The following PUM1 variants were observed in gnomAD, a reference collection of about 807,000 sequenced individuals.
PUM1 encodes pumilio homolog 1.
PUM1 carries 13 observed loss-of-function variants against 131.8 expected under a neutral mutation model. The ratio of observed to expected loss-of-function variants is 0.10; its 90% CI spans 0.06 to 0.16. The LOEUF is 0.16. Ranked by LOEUF, PUM1 falls within the 10% of genes least tolerant of loss-of-function variation. PUM1 has a pLI of 1.00. For missense variants in PUM1, 961 were observed against 1,512.4 expected (o/e 0.64, Z 6.05); for synonymous variants, 509 against 556.5 (o/e 0.91, Z 1.20).
intron 10 of PUM1, among the ~76,000 whole-genome samples, chr1:30,970,068 C>T (rs575669595): frequency 1.3e-5 from 2 of 152,268 alleles, no homozygotes; most frequent in South Asian, 4.1e-4. Context: ...CACACTCCAG[C>T]AAGCAAAAAT....
Position 31,038,916 on chromosome 1 carries a change from T to C in PUM1, c.364-10052A>G, listed in dbSNP as rs559051391. Among the ~76,000 whole-genome samples the C allele has an allele frequency of 4.9e-4, 69 of 139,438 alleles. 1 individual carries two copies. The highest frequency in any genetic ancestry group is 1.4e-3 in the South Asian group (6 of 4,396). 91.5% of individuals were successfully genotyped at this position (139,438 alleles called of 152,430 possible). The stretch of plus-strand genomic sequence containing the variant: ...ATACAGCAGTAATTATTAAAGCATA[T>C]ACTTAGAGAATTTATATAGCCATTT... On this transcript the variant is annotated intron_variant, in intron 2 of 21. Transcript: ENST00000426105.
At position 31,006,911 on chromosome 1, in the gene PUM1, T is replaced by A. The variant is rs550451799; in HGVS notation, c.541+83A>T. ...GCTTGACATGCTTATGTCACTGATG[T>A]AAAATTCATGACTTGCCAATTGCTG... On this transcript the variant is annotated intron_variant, in intron 4 of 21. Transcript: ENST00000426105. The A allele has an allele frequency of 1.3e-5, 14 of 1,051,342 alleles. No individual in the cohort carries two copies. In the African/African-American group the frequency reaches 2.1e-4, roughly 15 times the overall value. 65.1% of individuals were successfully genotyped at this position (1,051,342 alleles called of 1,614,324 possible). A position where few individuals can be genotyped will look rare whatever the true frequency, so the allele number is the denominator to read the frequency against.
chr1:30,940,505 G>T (rs1380795260), intron 20 of PUM1, among the ~76,000 whole-genome samples: 1 of 152,062 alleles, frequency 6.6e-6, no homozygotes, highest in East Asian at 1.9e-4. Flanking sequence ...AAACATCAAG[G>T]TTGTATGAGT....
intron 2 of PUM1, among the ~76,000 whole-genome samples, chr1:31,047,584 G>A (rs1570349785): frequency 6.6e-6 from 1 of 152,222 alleles, no homozygotes; most frequent in Non-Finnish European, 1.5e-5. Flanking sequence ...AGAGAAAATG[G>A]ACACATGCAC....
At chr1:30,958,018 C>G (rs1640242780) in intron 14 of PUM1, among the ~76,000 whole-genome samples, 2 of 152,144 alleles carry the variant, frequency 1.3e-5, no homozygotes, top group South Asian at 2.1e-4. Context: ...TTCAAAGAAC[C>G]AAGTGAGAAA....
chr1:30,961,474 T>A (rs1231930699), intron 14 of PUM1, among the ~76,000 whole-genome samples: 1 of 152,112 alleles, frequency 6.6e-6, no homozygotes. Context: ...CAGTGAGCTA[T>A]GATAGCACCA....
At chr1:31,047,839 G>C (rs997518293) in intron 2 of PUM1, among the ~76,000 whole-genome samples, 1 of 152,206 alleles carries the variant, frequency 6.6e-6, no homozygotes, top group Non-Finnish European at 1.5e-5. Flanking sequence ...CTACTGGGGA[G>C]GCTGAGGCAT....
chr1:30,943,403 C>T, intron 18 of PUM1, among the ~76,000 whole-genome samples: 1 of 152,136 alleles, frequency 6.6e-6, no homozygotes, highest in Non-Finnish European at 1.5e-5. Flanking sequence ...GCTGGGATTA[C>T]AGGCACCCGG....
chr1:31,052,621 C>T (rs1252435823), intron 2 of PUM1, among the ~76,000 whole-genome samples: 1 of 152,006 alleles, frequency 6.6e-6, no homozygotes, highest in African/African-American at 2.4e-5. Context: ...CCTGACCCAG[C>T]CTCCTGAGTA....
chr1:31,026,925 G>T (rs1570301735), intron 3 of PUM1, among the ~76,000 whole-genome samples: 1 of 128,576 alleles, frequency 7.8e-6, no homozygotes. Flanking sequence ...CATGCCCACG[G>T]AATTATATAC....
intron 21 of PUM1, 82 bp from the exon 22 acceptor site, chr1:30,933,424 T>A: frequency 9.2e-7 from 1 of 1,092,700 alleles, no homozygotes; most frequent in Non-Finnish European, 1.3e-6. Flanking sequence ...TTGCATGTCA[T>A]GCATCACACA....
At chr1:30,964,961 A>G (rs1473193772) in intron 13 of PUM1, 51 bp from the exon 14 acceptor site, 2 of 1,497,396 alleles carry the variant, frequency 1.3e-6, no homozygotes, top group Non-Finnish European at 1.9e-6. Flanking sequence ...TTCTTCGAAG[A>G]ACAAGCCCAG....
intron 17 of PUM1, among the ~76,000 whole-genome samples, chr1:30,946,397 G>A (rs911664675): frequency 5.3e-5 from 8 of 151,110 alleles, no homozygotes; most frequent in African/African-American, 1.5e-4. Context: ...CCAGCAATTT[G>A]GGAGGCCTAG....
rs1638991565 is a variant in PUM1, at chr1:30,932,108, TACA to T, written c.*1100_*1102del. The stretch of plus-strand genomic sequence containing the variant: ...CTGGTTGAAATTACAATTTACAATA[TACA>T]ACACTATATGCTACGACCATAAAAG... On this transcript the variant is annotated 3_prime_UTR_variant, in exon 22 of 22. Transcript: ENST00000426105. 6.6e-6 allele frequency: 1 copy of T among 152,618 alleles called. No individual in the cohort carries two copies. The highest frequency in any genetic ancestry group is 2.1e-4 in the South Asian group (1 of 4,836). The allele number at this position is 152,618 out of a possible 1,614,324, so 9.5% of individuals were successfully genotyped here. A position where few individuals can be genotyped will look rare whatever the true frequency, so the allele number is the denominator to read the frequency against.
At chr1:30,983,122 G>C (rs917787120) in intron 7 of PUM1, among the ~76,000 whole-genome samples, 1 of 152,204 alleles carries the variant, frequency 6.6e-6, no homozygotes, top group Non-Finnish European at 1.5e-5. Flanking sequence ...CAGTGTGCTT[G>C]TGATTTCTGC....
At chr1:31,012,058 A>G (rs1423728927) in intron 3 of PUM1, among the ~76,000 whole-genome samples, 6 of 152,166 alleles carry the variant, frequency 3.9e-5, no homozygotes, top group Non-Finnish European at 7.4e-5. Flanking sequence ...ATAGTAGCTT[A>G]ATTACACTGG....
At chr1:31,029,366 T>G (rs1008468395) in intron 2 of PUM1, among the ~76,000 whole-genome samples, 4 of 152,142 alleles carry the variant, frequency 2.6e-5, no homozygotes, top group African/African-American at 9.7e-5. Flanking sequence ...TATCCCAATA[T>G]CTCTCCATAT....
Position 31,059,274 on chromosome 1 carries a change from C to T in PUM1, c.293G>A (p.Ser98Asn). 9.3e-6 allele frequency: 15 copies of T among 1,613,968 alleles called. No individual in the cohort carries two copies. The highest frequency in any genetic ancestry group is 1.3e-5 in the Non-Finnish European group (15 of 1,179,930). The change falls in exon 2 of 22, where the codon AGT becomes AAT. Residue 98 changes from serine (S) to asparagine (N), a missense_variant. Coordinates refer to ENST00000426105, the MANE Select transcript of PUM1 (RefSeq NM_001020658.2). ...QHGEQLGGGG[S>N]GGGGYNNSKH... ...GCTATTATTATAGCCGCCTCCTCCA[C>T]TTCCTCCTCCCCCAAGCTGCTCACC...
chr1:30,948,837 T>A (rs889902323), intron 17 of PUM1, among the ~76,000 whole-genome samples: 6 of 152,224 alleles, frequency 3.9e-5, no homozygotes, highest in African/African-American at 1.4e-4. Context: ...TTGGCAATGA[T>A]CTGAACATTA....
Sources: gnomAD v4.1 joint callset for allele counts (sites outside exome capture counted in the v4.1 genomes callset) on GRCh38, gnomAD v4.1.1 for gene constraint, MANE v1.5 for transcripts, NCBI Gene and HGNC (gene_info 2026-07-23, HGNC 2026-07-21) for gene names.